The following AUTS2 variants were observed in gnomAD, a reference collection of about 807,000 sequenced individuals.
AUTS2 encodes activator of transcription and developmental regulator AUTS2, also known as autism susceptibility gene 2 protein.
A neutral mutation model predicts 112.4 loss-of-function variants in AUTS2; 17 were observed. That is an observed-to-expected ratio of 0.15 (90% CI 0.10 to 0.23). The LOEUF (loss-of-function observed/expected upper bound fraction) is 0.23. AUTS2 is among the 10% of genes least tolerant of loss of function. The pLI is 1.00. For synonymous variants in AUTS2, 751 were observed against 702.7 expected, an observed-to-expected ratio of 1.07 and a Z score of -1.09; for missense variants, 1,510 against 1,701.6, an observed-to-expected ratio of 0.89 and a Z score of 1.98.
intron 1 of AUTS2, among the ~76,000 whole-genome samples, chr7:69,643,638 C>A (rs1008622282): frequency 2.6e-5 from 4 of 152,016 alleles, no homozygotes; most frequent in Non-Finnish European, 5.9e-5. Flanking sequence ...GCCCGCCAAC[C>A]CCCCACCCCG....
At chr7:70,117,125 T>G (rs1362613347) in intron 2 of AUTS2, among the ~76,000 whole-genome samples, 1 of 122,694 alleles carries the variant, frequency 8.2e-6, no homozygotes, top group Non-Finnish European at 1.8e-5. Flanking sequence ...TTGTTTTTTT[T>G]TGTTTTTTTT....
intron 4 of AUTS2, among the ~76,000 whole-genome samples, chr7:70,394,920 T>C (rs1794016823): frequency 6.6e-6 from 1 of 152,032 alleles, no homozygotes; most frequent in East Asian, 1.9e-4. Context: ...TCTTAAAAAA[T>C]GTAAATAAAT....
intron 5 of AUTS2, among the ~76,000 whole-genome samples, chr7:70,507,764 T>C (rs1192688897): frequency 1.3e-5 from 2 of 151,922 alleles, no homozygotes; most frequent in Non-Finnish European, 2.9e-5. Context: ...ACCATTGTAC[T>C]CCAGCCTAGG....
intron 4 of AUTS2, among the ~76,000 whole-genome samples, chr7:70,364,651 G>A (rs1792483243): frequency 6.6e-6 from 1 of 150,558 alleles, no homozygotes; most frequent in Non-Finnish European, 1.5e-5. Flanking sequence ...TTTTAAATAA[G>A]TATTTCAATT....
intron 5 of AUTS2, among the ~76,000 whole-genome samples, chr7:70,679,646 C>G (rs1481428112): frequency 6.6e-6 from 1 of 151,732 alleles, no homozygotes; most frequent in Non-Finnish European, 1.5e-5. Context: ...TGGTCCCTGT[C>G]CGCTTCTAGC....
intron 1 of AUTS2, among the ~76,000 whole-genome samples, chr7:69,897,594 A>C (rs12698812): frequency 0.25 from 37,120 of 151,252 alleles, 4,604 homozygotes; most frequent in Middle Eastern, 0.33. Context: ...ACAAAAAAAA[A>C]AAAAAACAAA....
rs888502097 is a variant in AUTS2, at chr7:70,793,121, G to C, written c.*2125G>C. Reference sequence around the variant, plus strand: ...GGAGGGGGGGTTCTGTTAGTTTTTCGTATGTCCAAGATACTGTAAAAGGTA... The same window carrying C: ...GGAGGGGGGGTTCTGTTAGTTTTTCCTATGTCCAAGATACTGTAAAAGGTA... On this transcript the variant is annotated 3_prime_UTR_variant, in exon 19 of 19. Transcript: ENST00000342771. 6.6e-6 allele frequency: 1 copy of C among 151,796 alleles called. No homozygotes were observed. Among genetic ancestry groups the C allele is most frequent in the Non-Finnish European group, 1.5e-5 (1 of 68,014 alleles). The allele number at this position is 151,796 out of a possible 1,614,324, so 9.4% of individuals were successfully genotyped here.
chr7:70,656,215 CA>C (rs1236713440), intron 5 of AUTS2, among the ~76,000 whole-genome samples: 2 of 152,160 alleles, frequency 1.3e-5, no homozygotes, highest in East Asian at 3.9e-4. Context: ...TTAGTAAAAT[CA>C]TATAATGTCT....
At chr7:70,237,217 G>A (rs1301120646) in intron 4 of AUTS2, among the ~76,000 whole-genome samples, 1 of 152,138 alleles carries the variant, frequency 6.6e-6, no homozygotes, top group Non-Finnish European at 1.5e-5. Context: ...ATTTTTCAAA[G>A]TCTCATATGT....
At chr7:70,004,438 T>A (rs1563031987) in intron 2 of AUTS2, among the ~76,000 whole-genome samples, 1 of 138,660 alleles carries the variant, frequency 7.2e-6, no homozygotes, top group Admixed American at 7.7e-5. Context: ...TATATATATA[T>A]AAAATGCCAT....
chr7:70,037,075 A>G (rs1044674462), intron 2 of AUTS2, among the ~76,000 whole-genome samples: 4 of 152,036 alleles, frequency 2.6e-5, no homozygotes, highest in African/African-American at 4.8e-5. Context: ...ACAAGGAGGA[A>G]CTCCTGCCAT....
chr7:70,286,348 C>G (rs1788457822), intron 4 of AUTS2, among the ~76,000 whole-genome samples: 2 of 152,210 alleles, frequency 1.3e-5, no homozygotes, highest in South Asian at 4.1e-4. Context: ...CTAAGTGAGT[C>G]TACTTTAAGC....
intron 2 of AUTS2, among the ~76,000 whole-genome samples, chr7:70,056,196 G>T (rs557536396): frequency 6.6e-6 from 1 of 152,102 alleles, no homozygotes; most frequent in Non-Finnish European, 1.5e-5. Context: ...TGTTAGCCAG[G>T]CTGGTCTCGA....
intron 1 of AUTS2, among the ~76,000 whole-genome samples, chr7:69,812,865 C>T (rs1040781353): frequency 2.0e-5 from 3 of 152,166 alleles, no homozygotes; most frequent in African/African-American, 7.2e-5. Context: ...CATCATGTTT[C>T]ACCTGGACTG....
intron 2 of AUTS2, among the ~76,000 whole-genome samples, chr7:70,036,132 G>A (rs1176985975): frequency 6.6e-6 from 1 of 152,210 alleles, no homozygotes; most frequent in African/African-American, 2.4e-5. Context: ...GAGGTGGTTT[G>A]AGAGGCAAAG....
At chr7:70,409,533 A>T (rs189020165) in intron 4 of AUTS2, among the ~76,000 whole-genome samples, 1 of 152,282 alleles carries the variant, frequency 6.6e-6, no homozygotes, top group Middle Eastern at 3.4e-3. Flanking sequence ...GCATTCCGAC[A>T]GTGTCTTCCA....
At chr7:70,077,700 C>T (rs1246525417) in intron 2 of AUTS2, among the ~76,000 whole-genome samples, 1 of 152,210 alleles carries the variant, frequency 6.6e-6, no homozygotes, top group African/African-American at 2.4e-5. Flanking sequence ...GCCTTTGTTT[C>T]TGTCTGTGGT....
intron 1 of AUTS2, among the ~76,000 whole-genome samples, chr7:69,735,102 A>G (rs1278927120): frequency 1.3e-5 from 2 of 152,196 alleles, no homozygotes; most frequent in Non-Finnish European, 2.9e-5. Context: ...TGCCTCTTCT[A>G]TGTCAAGTCT....
intron 2 of AUTS2, among the ~76,000 whole-genome samples, chr7:69,979,487 TC>T (rs771743910): frequency 2.6e-5 from 4 of 152,222 alleles, no homozygotes; most frequent in Non-Finnish European, 4.4e-5. Context: ...TCAATTACAG[TC>T]ATTTTTTCAA....
Sources: gnomAD v4.1 joint callset for allele counts (sites outside exome capture counted in the v4.1 genomes callset) on GRCh38, gnomAD v4.1.1 for gene constraint, MANE v1.5 for transcripts, NCBI Gene and HGNC (gene_info 2026-07-23, HGNC 2026-07-21) for gene names.